POTEC: variants seen among roughly 807,000 people sequenced by gnomAD.
The protein encoded by POTEC is POTE ankyrin domain family member C, also known as ANKRD26-like family B member 2.
POTEC carries 35 observed loss-of-function variants against 62.0 expected under a neutral mutation model. The ratio of observed to expected loss-of-function variants is 0.56; its 90% CI spans 0.43 to 0.75. The LOEUF (loss-of-function observed/expected upper bound fraction) is 0.75, where lower values mean the gene tolerates loss of function less well. POTEC is among the 30% of genes least tolerant of loss of function. The pLI is 0.00. For missense variants in POTEC, 472 were observed against 655.9 expected (o/e 0.72, Z 3.06); for synonymous variants, 156 against 221.5 (o/e 0.70, Z 2.62).
At chr18:14,537,662 T>G (rs7505700) in intron 3 of POTEC, 139 bp downstream of exon 3, 160,905 of 1,053,694 alleles carry the variant, frequency 0.15, 14,454 homozygotes, top group East Asian at 0.42. Context: ...AAATAAAGTC[T>G]TAGATAATTA....
rs541742067 is a variant in POTEC, at chr18:14,543,324, C to T, written c.-178G>A. 16 of 1,179,222 alleles carry T rather than the reference C, an allele frequency of 1.4e-5. No individual in the cohort carries two copies. The Admixed American group carries it at 4.4e-4, about 32-fold the overall frequency. The allele number at this position is 1,179,222 out of a possible 1,614,324, so 73.0% of individuals were successfully genotyped here. A position where few individuals can be genotyped will look rare whatever the true frequency, so the allele number is the denominator to read the frequency against. On this transcript the variant is annotated 5_prime_UTR_variant, in exon 1 of 11. The change creates a new upstream start codon in the 5' untranslated region. Transcript: ENST00000358970. The stretch of plus-strand genomic sequence containing the variant: ...GTCCACCCCACCCAGGGAAAACCCA[C>T]ACCCACCCGGGGAAAGCCCACGCCC...
intron 7 of POTEC, among the ~76,000 whole-genome samples, chr18:14,523,992 G>A (rs1910374430): frequency 1.3e-5 from 2 of 152,052 alleles, no homozygotes; most frequent in African/African-American, 4.8e-5. Flanking sequence ...TGGATTGTAG[G>A]CACGCTTTAA....
intron 6 of POTEC, among the ~76,000 whole-genome samples, chr18:14,526,509 G>A (rs1910440975): frequency 6.6e-6 from 1 of 152,086 alleles, no homozygotes; most frequent in African/African-American, 2.4e-5. Context: ...AGCCTGTCAG[G>A]GATGGCTTTT....
At chr18:14,531,061 A>G (rs1905496785) in intron 5 of POTEC, among the ~76,000 whole-genome samples, 1 of 152,004 alleles carries the variant, frequency 6.6e-6, no homozygotes. Flanking sequence ...ATAAAACCCC[A>G]TGTGTATTTT....
chr18:14,517,887 T>C (rs892171727), intron 9 of POTEC, among the ~76,000 whole-genome samples: 3 of 152,082 alleles, frequency 2.0e-5, no homozygotes, highest in African/African-American at 7.2e-5. Context: ...CCAGTAAACT[T>C]TGCAATTCCT....
intron 5 of POTEC, chr18:14,531,892 C>G (rs940468991): frequency 4.0e-5 from 6 of 151,844 alleles, no homozygotes; most frequent in African/African-American, 1.5e-4. Context: ...GAATTCTCTT[C>G]AATGGCTTCC....
At position 14,508,177 on chromosome 18, in the gene POTEC, T is replaced by C. The variant is rs1010010697; in HGVS notation, c.*3721A>G. 3.9e-5 allele frequency: 6 copies of C among 152,216 alleles called. No individual in the cohort carries two copies. The highest frequency in any genetic ancestry group is 1.4e-4 in the African/African-American group (6 of 41,434). 9.4% of individuals were successfully genotyped at this position (152,216 alleles called of 1,614,324 possible). A position where few individuals can be genotyped will look rare whatever the true frequency, so the allele number is the denominator to read the frequency against. On this transcript the variant is annotated 3_prime_UTR_variant, in exon 11 of 11. Transcript: ENST00000358970. Reference sequence around the variant, plus strand: ...AATGTGTTTTCCAAGTTGGTTCCATTCTCCTCATCTCTTTCAGGTACATTA... The same window carrying C: ...AATGTGTTTTCCAAGTTGGTTCCATCCTCCTCATCTCTTTCAGGTACATTA...
At chr18:14,512,591 G>A (rs1458037641) in intron 10 of POTEC, among the ~76,000 whole-genome samples, 2 of 152,176 alleles carry the variant, frequency 1.3e-5, no homozygotes, top group African/African-American at 4.8e-5. Flanking sequence ...TTAGGATCAC[G>A]ATTCTTAAAA....
At chr18:14,530,379 C>T (rs1905466217) in intron 6 of POTEC, 104 bp downstream of exon 6, 2 of 1,557,118 alleles carry the variant, frequency 1.3e-6, no homozygotes, top group Non-Finnish European at 1.7e-6. Context: ...ACCATCCCCA[C>T]CTTCCCCCAG....
intron 9 of POTEC, among the ~76,000 whole-genome samples, chr18:14,519,753 T>C (rs1910259917): frequency 6.6e-6 from 1 of 151,526 alleles, no homozygotes; most frequent in Admixed American, 6.6e-5. Context: ...GAAAGAAGAT[T>C]GAGGAGTGAG....
At position 14,516,298 on chromosome 18, in the gene POTEC, T is replaced by TA. The variant is rs1910151262; in HGVS notation, c.1410-2514_1410-2513insT. Among the ~76,000 whole-genome samples, 19 of 25,118 alleles carry TA rather than the reference T, an allele frequency of 7.6e-4. 1 individual carries two copies. The East Asian group carries it at 0.01, about 14-fold the overall frequency. 16.5% of individuals were successfully genotyped at this position (25,118 alleles called of 152,430 possible). A position where few individuals can be genotyped will look rare whatever the true frequency, so the allele number is the denominator to read the frequency against. On this transcript the variant is annotated intron_variant, in intron 9 of 10. Coordinates refer to ENST00000358970, the MANE Select transcript of POTEC (RefSeq NM_001137671.2). ...ACTGATGAGTGGAATAAAGAAAATT[T>TA]TATATATATATATATATATATATAT...
Position 14,510,722 on chromosome 18 carries a change from G to A in POTEC, c.*1176C>T, listed in dbSNP as rs1256852537. 1 of 152,136 alleles carries A rather than the reference G, an allele frequency of 6.6e-6. No individual in the cohort carries two copies. Among genetic ancestry groups the A allele is most frequent in the Non-Finnish European group, 1.5e-5 (1 of 68,030 alleles). The allele number at this position is 152,136 out of a possible 1,614,324, so 9.4% of individuals were successfully genotyped here. On this transcript the variant is annotated 3_prime_UTR_variant, in exon 11 of 11. Coordinates refer to ENST00000358970, the MANE Select transcript of POTEC (RefSeq NM_001137671.2). ...AAGTTGAGAAGTCTTGCCTAGTAAG[G>A]AGGAACAGGAATAGGGACTTGTTTA...
chr18:14,522,169 A>G (rs1910328483), intron 9 of POTEC, 85 bp downstream of exon 9: 4 of 1,581,812 alleles, frequency 2.5e-6, no homozygotes, highest in East Asian at 4.5e-5. Flanking sequence ...AAAGTATAAA[A>G]TTTGTTCATC....
At chr18:14,541,932 A>C (rs888455963) in intron 1 of POTEC, among the ~76,000 whole-genome samples, 4 of 152,244 alleles carry the variant, frequency 2.6e-5, no homozygotes, top group Non-Finnish European at 4.4e-5. Context: ...GTTAGTAAAC[A>C]ATTTGTGGAA....
chr18:14,514,239 T>A (rs1162032516), intron 9 of POTEC, among the ~76,000 whole-genome samples: 1 of 151,938 alleles, frequency 6.6e-6, no homozygotes, highest in African/African-American at 2.4e-5. Context: ...CATGAGCAGC[T>A]TGCAATAGGG....
At position 14,541,133 on chromosome 18, in the gene POTEC, C is replaced by T. The variant is rs576076716; in HGVS notation, c.521+1493G>A. Reference sequence around the variant, plus strand: ...ATCAAACTCCTGACCTCGTGATCCACCTGCCTTGGCCTCCCAAAGTGCTGG... The same window carrying T: ...ATCAAACTCCTGACCTCGTGATCCATCTGCCTTGGCCTCCCAAAGTGCTGG... On this transcript the variant is annotated intron_variant, in intron 1 of 10. Transcript: ENST00000358970. Among the ~76,000 whole-genome samples, 41 of 152,316 alleles carry T rather than the reference C, an allele frequency of 2.7e-4. No individual in the cohort carries two copies. In the East Asian group the frequency reaches 7.0e-3, roughly 26 times the overall value.
At chr18:14,513,077 A>C (rs1384973777) in intron 10 of POTEC, among the ~76,000 whole-genome samples, 1 of 152,204 alleles carries the variant, frequency 6.6e-6, no homozygotes, top group Non-Finnish European at 1.5e-5. Context: ...TCATCTGGGA[A>C]CAAAATACTT....
chr18:14,517,118 G>C (rs1352894341), intron 9 of POTEC, among the ~76,000 whole-genome samples: 1 of 149,510 alleles, frequency 6.7e-6, no homozygotes, highest in Non-Finnish European at 1.5e-5. Flanking sequence ...ATATTCCTGA[G>C]AGCTGTTATT....
chr18:14,531,963 G>A (rs1165625164), intron 5 of POTEC, among the ~76,000 whole-genome samples: 2 of 151,012 alleles, frequency 1.3e-5, no homozygotes, highest in Admixed American at 6.6e-5. Flanking sequence ...TAGCTTGGAT[G>A]ATTTTCATTA....
Sources: gnomAD v4.1 joint callset for allele counts (sites outside exome capture counted in the v4.1 genomes callset) on GRCh38, gnomAD v4.1.1 for gene constraint, MANE v1.5 for transcripts, NCBI Gene and HGNC (gene_info 2026-07-23, HGNC 2026-07-21) for gene names.